The following SNTG1 variants were observed in gnomAD, a reference collection of about 807,000 sequenced individuals.
The protein encoded by SNTG1 is gamma-1-syntrophin.
Under a neutral mutation model 74.7 loss-of-function variants are expected in SNTG1, and 39 were observed. The ratio of observed to expected loss-of-function variants is 0.52; its 90% CI spans 0.40 to 0.68. SNTG1 has a LOEUF of 0.68. Ranked by LOEUF, SNTG1 falls within the 30% of genes least tolerant of loss-of-function variation. The pLI, the probability that SNTG1 is intolerant of heterozygous loss-of-function variation, is 0.00. For synonymous variants in SNTG1, 254 were observed against 217.1 expected, an observed-to-expected ratio of 1.17 and a Z score of -1.49; for missense variants, 685 against 609.5, an observed-to-expected ratio of 1.12 and a Z score of -1.30.
chr8:50,357,630 G>T (rs1409452031), intron 2 of SNTG1, among the ~76,000 whole-genome samples: 2 of 152,148 alleles, frequency 1.3e-5, no homozygotes. Flanking sequence ...ACTGAAGCAG[G>T]TTTAATGTTG....
At chr8:50,703,271 TCTA>T (rs1388363885) in intron 15 of SNTG1, among the ~76,000 whole-genome samples, 1 of 152,226 alleles carries the variant, frequency 6.6e-6, no homozygotes. Flanking sequence ...ATCCTTATTC[TCTA>T]CATTTTTTTT....
intron 2 of SNTG1, chr8:50,380,872 A>C (rs965378380): frequency 3.9e-5 from 6 of 152,232 alleles, no homozygotes; most frequent in African/African-American, 1.4e-4. Context: ...CAAGATCTCT[A>C]GACAGAGGCC....
intron 1 of SNTG1, among the ~76,000 whole-genome samples, chr8:50,124,036 T>C (rs2131368117): frequency 7.0e-6 from 1 of 142,722 alleles, no homozygotes; most frequent in African/African-American, 2.5e-5. Flanking sequence ...CTCCCTCAGA[T>C]TAATATGTTA....
intron 8 of SNTG1, among the ~76,000 whole-genome samples, chr8:50,480,801 A>G (rs1283841620): frequency 6.6e-6 from 1 of 152,214 alleles, no homozygotes; most frequent in African/African-American, 2.4e-5. Context: ...AACAGAAATC[A>G]GCCTATATTT....
chr8:50,242,720 G>T (rs1396043646), intron 2 of SNTG1, among the ~76,000 whole-genome samples: 3 of 150,000 alleles, frequency 2.0e-5, no homozygotes, highest in Admixed American at 1.3e-4. Flanking sequence ...TATCACGTAT[G>T]TATTATGATA....
intron 2 of SNTG1, among the ~76,000 whole-genome samples, chr8:50,282,813 A>G (rs564640118): frequency 2.6e-5 from 4 of 152,254 alleles, no homozygotes; most frequent in East Asian, 1.9e-4. Flanking sequence ...CTGTCTGACA[A>G]TATCTGTTTC....
intron 1 of SNTG1, among the ~76,000 whole-genome samples, chr8:49,925,309 T>C (rs1181142938): frequency 6.6e-6 from 1 of 152,212 alleles, no homozygotes; most frequent in Admixed American, 6.5e-5. Flanking sequence ...TCCAACTTCC[T>C]TCATGATAAC....
chr8:50,036,538 C>T (rs1818181931), intron 1 of SNTG1, among the ~76,000 whole-genome samples: 1 of 152,182 alleles, frequency 6.6e-6, no homozygotes, highest in South Asian at 2.1e-4. Context: ...ATCATCCCAG[C>T]TGTTTTCTTG....
At chr8:50,641,566 C>T (rs930161602) in intron 13 of SNTG1, among the ~76,000 whole-genome samples, 1 of 152,180 alleles carries the variant, frequency 6.6e-6, no homozygotes, top group Non-Finnish European at 1.5e-5. Flanking sequence ...TATCTACTGT[C>T]TCCAATTAGC....
intron 1 of SNTG1, among the ~76,000 whole-genome samples, chr8:50,013,742 TG>T: frequency 6.6e-6 from 1 of 152,244 alleles, no homozygotes; most frequent in Non-Finnish European, 1.5e-5. Context: ...TTTATATAAT[TG>T]TATAAAACTT....
At chr8:50,346,649 G>C (rs2130970387) in intron 2 of SNTG1, among the ~76,000 whole-genome samples, 1 of 152,312 alleles carries the variant, frequency 6.6e-6, no homozygotes, top group Admixed American at 6.5e-5. Context: ...AAACAACAAA[G>C]TTGTGAATGC....
chr8:49,990,452 A>G (rs766839879), intron 1 of SNTG1, among the ~76,000 whole-genome samples: 51 of 152,110 alleles, frequency 3.4e-4, no homozygotes, highest in Non-Finnish European at 8.8e-5. Context: ...ATGAAATGCA[A>G]TGGATCCAGA....
chr8:50,021,593 A>G (rs934310917), intron 1 of SNTG1, among the ~76,000 whole-genome samples: 1 of 152,162 alleles, frequency 6.6e-6, no homozygotes, highest in African/African-American at 2.4e-5. Flanking sequence ...GGTGCTGATC[A>G]GTTATGTGGT....
rs193120254 is a variant in SNTG1 at position 50,309,810 on chromosome 8, T to A, written c.-27-84402T>A. 4.8e-3 allele frequency among the ~76,000 whole-genome samples: 734 copies of A among 152,326 alleles called. 10 individuals carry two copies. The highest frequency in any genetic ancestry group is 5.5e-3 in the Non-Finnish European group (377 of 68,028). On this transcript the variant is annotated intron_variant, in intron 2 of 18. Coordinates refer to ENST00000642720, the MANE Select transcript of SNTG1 (RefSeq NM_018967.5). ...TTTTTAAGACCTTAGAAGCTAAGAA[T>A]TTTAATACTTAGTATCAAAAAAAAC...
In SNTG1 at chr8:50,658,678, T is replaced by C. The variant is rs1433428536; in HGVS notation, c.1038+15T>C. 6.3e-7 allele frequency: 1 copy of C among 1,586,306 alleles called. No homozygotes were observed. Among genetic ancestry groups the C allele is most frequent in the Non-Finnish European group, 8.6e-7 (1 of 1,160,614 alleles). On this transcript the variant is annotated intron_variant, in intron 15 of 18. Transcript: ENST00000642720. ...AGATCCTCAAGGTATGATCAATATG[T>C]AGTCAGTATTTGAATGGCTTTTCCT... is the stretch of plus-strand genomic sequence containing the variant.
At chr8:50,702,778 C>T (rs890375026) in intron 15 of SNTG1, among the ~76,000 whole-genome samples, 5 of 152,082 alleles carry the variant, frequency 3.3e-5, no homozygotes, top group African/African-American at 7.2e-5. Flanking sequence ...TACTGCACAG[C>T]GAGGTTATAC....
intron 2 of SNTG1, chr8:50,286,548 A>G (rs1053656069): frequency 2.6e-5 from 4 of 152,206 alleles, no homozygotes; most frequent in Non-Finnish European, 4.4e-5. Context: ...GAGGAATTCC[A>G]CAAATTGTTA....
chr8:50,640,302 A>C (rs1325473274), intron 13 of SNTG1, among the ~76,000 whole-genome samples: 1 of 152,106 alleles, frequency 6.6e-6, no homozygotes, highest in African/African-American at 2.4e-5. Context: ...ACAGGTTGAA[A>C]GACTTATAAT....
intron 2 of SNTG1, among the ~76,000 whole-genome samples, chr8:50,215,412 T>C (rs992478472): frequency 2.0e-5 from 3 of 147,336 alleles, no homozygotes; most frequent in Admixed American, 1.4e-4. Context: ...TATATATATA[T>C]ACTATATATA....
Sources: gnomAD v4.1 joint callset for allele counts (sites outside exome capture counted in the v4.1 genomes callset) on GRCh38, gnomAD v4.1.1 for gene constraint, MANE v1.5 for transcripts, NCBI Gene and HGNC (gene_info 2026-07-23, HGNC 2026-07-21) for gene names.